PTPRQ: variants seen among roughly 807,000 people sequenced by gnomAD.
PTPRQ encodes protein tyrosine phosphatase receptor type Q, also known as phosphatidylinositol phosphatase PTPRQ.
Under a neutral mutation model 246.0 loss-of-function variants are expected in PTPRQ, and 199 were observed. The observed-to-expected ratio is 0.81, with a 90% CI of 0.72 to 0.91. The LOEUF (loss-of-function observed/expected upper bound fraction) is 0.91. PTPRQ is among the 40% of genes least tolerant of loss of function. PTPRQ has a pLI of 0.00. For synonymous variants in PTPRQ, 869 were observed against 853.2 expected (o/e 1.02, Z -0.32); for missense variants, 2,624 against 2,528.4 (o/e 1.04, Z -0.81).
chr12:80,669,346 GC>G lies in PTPRQ; in HGVS notation c.6337del (p.His2113IlefsTer17). The G allele has an allele frequency of 6.5e-7, 1 of 1,549,490 alleles. No individual in the cohort carries two copies. The highest frequency in any genetic ancestry group is 1.2e-5 in the South Asian group (1 of 83,718). Reference protein sequence around the residue: ...TQCFEKGRIRCHQYWPEDNKP... With the variant: ...TQCFEKGRIRXHQYWPEDNKP... ...GATTTTCTCTGAATGCAGATCAGATGCCATCAGTATTGGCCAGAGGACAACA... is the reference window on the plus strand; with the variant it reads ...GATTTTCTCTGAATGCAGATCAGATGCATCAGTATTGGCCAGAGGACAACA... On this transcript the variant is annotated frameshift_variant, in exon 41 of 45. Coordinates refer to ENST00000644991, the MANE Select transcript of PTPRQ (RefSeq NM_001145026.2). LOFTEE classifies it high-confidence loss of function.
At chr12:80,607,138 T>A (rs1055120845) in intron 27 of PTPRQ, among the ~76,000 whole-genome samples, 16 of 150,954 alleles carry the variant, frequency 1.1e-4, no homozygotes, top group African/African-American at 3.9e-4. Flanking sequence ...ATTATCTTAT[T>A]ATATGTTATC....
At chr12:80,579,584 A>T (rs1262882688) in intron 25 of PTPRQ, among the ~76,000 whole-genome samples, 2 of 152,202 alleles carry the variant, frequency 1.3e-5, no homozygotes, top group Non-Finnish European at 2.9e-5. Context: ...AGGTTCTTAT[A>T]CATTGACTTG....
At chr12:80,670,995 G>T (rs775902947) in intron 42 of PTPRQ, among the ~76,000 whole-genome samples, 6 of 151,966 alleles carry the variant, frequency 3.9e-5, no homozygotes, top group Non-Finnish European at 5.9e-5. Flanking sequence ...ACAATAAAAA[G>T]ATTTTTTTAA....
At chr12:80,640,691 T>G (rs1038019635) in intron 35 of PTPRQ, among the ~76,000 whole-genome samples, 2 of 152,200 alleles carry the variant, frequency 1.3e-5, no homozygotes, top group Non-Finnish European at 2.9e-5. Context: ...CTCTATATTT[T>G]AAAATACATA....
Position 80,613,698 on chromosome 12 carries a change from A to G in PTPRQ, c.5025A>G (p.Gln1675=), listed in dbSNP as rs1035247405. The change falls in exon 29 of 45, where the codon CAA becomes CAG. Residue 1675 remains glutamine (Q), a synonymous_variant. Coordinates refer to ENST00000644991, the MANE Select transcript of PTPRQ (RefSeq NM_001145026.2). ...CTTCTCAACCTAATGGAAATATCCA[A>G]GTATATCAAGCTCTGGTTTACCGAG... ...LPPSQPNGNI[Q]VYQALVYRED... is the part of the protein sequence containing the mutation. The G allele has an allele frequency of 6.5e-7, 1 of 1,546,372 alleles. No individual in the cohort carries two copies. The highest frequency in any genetic ancestry group is 8.7e-7 in the Non-Finnish European group (1 of 1,143,342).
intron 29 of PTPRQ, 107 bp from the exon 30 acceptor site, chr12:80,616,093 A>ATGCATG: frequency 1.7e-6 from 1 of 572,498 alleles, no homozygotes; most frequent in Non-Finnish European, 2.4e-6. Flanking sequence ...ATATATATAT[A>ATGCATG]TAACTATATA....
At chr12:80,637,661 C>G (rs552247349) in intron 35 of PTPRQ, among the ~76,000 whole-genome samples, 1 of 152,254 alleles carries the variant, frequency 6.6e-6, no homozygotes, top group South Asian at 2.1e-4. Flanking sequence ...CTGTGTCCAG[C>G]TTTACTATTT....
At chr12:80,452,733 C>T (rs1180541012) in intron 3 of PTPRQ, among the ~76,000 whole-genome samples, 1 of 152,216 alleles carries the variant, frequency 6.6e-6, no homozygotes, top group African/African-American at 2.4e-5. Context: ...ACTGAGAGAT[C>T]CGCTGTTAGT....
At chr12:80,473,287 CT>C (rs1297272650) in intron 8 of PTPRQ, among the ~76,000 whole-genome samples, 3 of 152,012 alleles carry the variant, frequency 2.0e-5, no homozygotes, top group Non-Finnish European at 2.9e-5. Flanking sequence ...GGAAAATGTT[CT>C]TTTTTTGTAT....
chr12:80,620,131 G>A, intron 31 of PTPRQ, 23 bp from the exon 32 acceptor site: 2 of 1,520,826 alleles, frequency 1.3e-6, no homozygotes, highest in African/African-American at 1.4e-5. Context: ...TGGAATTATT[G>A]TTCTCTTTGT....
At chr12:80,629,039 TC>T (rs1374587337) in intron 33 of PTPRQ, among the ~76,000 whole-genome samples, 2 of 151,994 alleles carry the variant, frequency 1.3e-5, no homozygotes, top group African/African-American at 2.4e-5. Context: ...GGGCTCTCTT[TC>T]TGGCTTACAG....
intron 7 of PTPRQ, among the ~76,000 whole-genome samples, chr12:80,470,024 T>G (rs139649017): frequency 3.9e-5 from 6 of 152,300 alleles, no homozygotes; most frequent in South Asian, 4.1e-4. Flanking sequence ...TGAGTTTAGC[T>G]GCAAAGCAAA....
chr12:80,539,925 A>C lies in PTPRQ; in HGVS notation c.3135A>C (p.Glu1045Asp). 5 of 1,546,040 alleles carry C rather than the reference A, an allele frequency of 3.2e-6. No homozygotes were observed. The highest frequency in any genetic ancestry group is 4.4e-6 in the Non-Finnish European group (5 of 1,144,480). ...GNGNKSSDII[E>D]VYTDQDIPEG... ...GGAATAAAAGCAGTGACATCATTGA[A>C]GTATACACAGATCAAGACAGTATGT... is the stretch of plus-strand genomic sequence containing the variant. Residue 1045 changes from glutamate to aspartate, a missense_variant, in exon 20 of 45, where the codon GAA becomes GAC. By Grantham distance (45) the Glu-to-Asp change is conservative (BLOSUM62 2). Coordinates refer to ENST00000644991, the MANE Select transcript of PTPRQ (RefSeq NM_001145026.2).
At chr12:80,480,611 A>C (rs1894008154) in intron 8 of PTPRQ, among the ~76,000 whole-genome samples, 1 of 151,656 alleles carries the variant, frequency 6.6e-6, no homozygotes, top group African/African-American at 2.4e-5. Flanking sequence ...GATCAACAAA[A>C]TACATAGACC....
chr12:80,614,969 T>C (rs1898695727), intron 29 of PTPRQ, among the ~76,000 whole-genome samples: 1 of 150,972 alleles, frequency 6.6e-6, no homozygotes, highest in South Asian at 2.1e-4. Context: ...TGCAGTATCC[T>C]TAAAACCTTG....
At chr12:80,605,758 T>A (rs1485137853) in intron 27 of PTPRQ, among the ~76,000 whole-genome samples, 3 of 150,936 alleles carry the variant, frequency 2.0e-5, no homozygotes, top group African/African-American at 7.3e-5. Flanking sequence ...TTAAAAAAAA[T>A]AAGTTCTAAG....
At chr12:80,474,669 A>G (rs1362748490) in intron 8 of PTPRQ, among the ~76,000 whole-genome samples, 1 of 152,246 alleles carries the variant, frequency 6.6e-6, no homozygotes, top group East Asian at 1.9e-4. Flanking sequence ...AAAATGTCAT[A>G]GAGTTGCCTA....
At chr12:80,583,718 T>C (rs1359459021) in intron 25 of PTPRQ, 2 of 152,198 alleles carry the variant, frequency 1.3e-5, no homozygotes, top group African/African-American at 4.8e-5. Flanking sequence ...TATTAGCTCA[T>C]AGTTCTATAG....
At position 80,467,750 on chromosome 12, in the gene PTPRQ, C is replaced by G. The variant is rs1256608930; in HGVS notation, c.911-960C>G. ...GAAATCATCATTCTCAGTAAACTATCACAAGAACAAAAAACCAAACACCGC... is the reference window on the plus strand; with the variant it reads ...GAAATCATCATTCTCAGTAAACTATGACAAGAACAAAAAACCAAACACCGC... On this transcript the variant is annotated intron_variant, in intron 6 of 44. Coordinates refer to ENST00000644991, the MANE Select transcript of PTPRQ (RefSeq NM_001145026.2). 2.0e-5 allele frequency among the ~76,000 whole-genome samples: 3 copies of G among 151,450 alleles called. 1 individual carries two copies. Among genetic ancestry groups the G allele is most frequent in the Non-Finnish European group, 4.4e-5 (3 of 67,920 alleles).
Sources: gnomAD v4.1 joint callset for allele counts (sites outside exome capture counted in the v4.1 genomes callset) on GRCh38, gnomAD v4.1.1 for gene constraint, MANE v1.5 for transcripts, NCBI Gene and HGNC (gene_info 2026-07-23, HGNC 2026-07-21) for gene names.